Variants in PPFIA2 observed in about 807,000 individuals in gnomAD.
PPFIA2 encodes liprin-alpha-2.
Under a neutral mutation model 175.5 loss-of-function variants are expected in PPFIA2, and 46 were observed. That is an observed-to-expected ratio of 0.26 (90% confidence interval 0.21 to 0.34). The LOEUF (loss-of-function observed/expected upper bound fraction) is 0.34. Ranked by LOEUF, PPFIA2 falls within the 10% of genes least tolerant of loss-of-function variation. The probability of loss-of-function intolerance (pLI) is 1.00; values close to 1 mark genes in which losing one functional copy is unlikely to be tolerated. For missense variants in PPFIA2, 1,179 were observed against 1,506.1 expected, an observed-to-expected ratio of 0.78 and a Z score of 3.60; for synonymous variants, 568 against 511.4, an observed-to-expected ratio of 1.11 and a Z score of -1.49.
At chr12:81,743,327 G>C (rs2082565029) in intron 3 of PPFIA2, among the ~76,000 whole-genome samples, 1 of 133,970 alleles carries the variant, frequency 7.5e-6, no homozygotes, top group African/African-American at 2.8e-5. Context: ...TGAGGCAGGA[G>C]AATCATTTGA....
chr12:81,477,305 T>C (rs968187548), intron 4 of PPFIA2, among the ~76,000 whole-genome samples: 4 of 152,108 alleles, frequency 2.6e-5, no homozygotes, highest in Admixed American at 1.3e-4. Context: ...GAGAGCTACT[T>C]TCAATTATTT....
chr12:81,375,513 T>C (rs1190029301), intron 10 of PPFIA2, among the ~76,000 whole-genome samples: 1 of 152,138 alleles, frequency 6.6e-6, no homozygotes, highest in East Asian at 1.9e-4. Context: ...GTGGTTAGAA[T>C]TAAGTGAGGT....
chr12:81,659,079 G>C (rs2068304364), intron 4 of PPFIA2, among the ~76,000 whole-genome samples: 1 of 151,932 alleles, frequency 6.6e-6, no homozygotes, highest in South Asian at 2.1e-4. Context: ...CAGTACAACG[G>C]AGGGCGGTTC....
chr12:81,461,223 C>A (rs543450498), intron 4 of PPFIA2, among the ~76,000 whole-genome samples: 1 of 152,200 alleles, frequency 6.6e-6, no homozygotes, highest in African/African-American at 2.4e-5. Context: ...AACCATTTTA[C>A]ATGAATAACT....
intron 4 of PPFIA2, among the ~76,000 whole-genome samples, chr12:81,557,832 T>C (rs1188435033): frequency 1.3e-5 from 2 of 152,098 alleles, no homozygotes; most frequent in Non-Finnish European, 2.9e-5. Context: ...AAAGTATTAA[T>C]AGTCTTGAGA....
intron 3 of PPFIA2, among the ~76,000 whole-genome samples, chr12:81,712,564 T>A (rs891827667): frequency 2.6e-5 from 4 of 151,106 alleles, no homozygotes; most frequent in Non-Finnish European, 5.9e-5. Context: ...AGGCTATGTG[T>A]ATAGGTTGCA....
intron 4 of PPFIA2, among the ~76,000 whole-genome samples, chr12:81,572,784 G>A (rs1239692741): frequency 6.6e-6 from 1 of 151,868 alleles, no homozygotes; most frequent in Non-Finnish European, 1.5e-5. Flanking sequence ...TGAAGAACTG[G>A]CTGATTTCAG....
chr12:81,417,480 A>G (rs1161892317), intron 7 of PPFIA2: 1 of 151,670 alleles, frequency 6.6e-6, no homozygotes, highest in Non-Finnish European at 1.5e-5. Context: ...AAGTGTTTGA[A>G]AAGTGCTTGA....
In PPFIA2 at chr12:81,258,470, G is replaced by C. The variant is rs2034426337; in HGVS notation, c.*1224C>G. ...CAGAAAATCAGCAGTTAGATAAATG[G>C]TATTATTAAATAGGCTTTACTTTGA... On this transcript the variant is annotated 3_prime_UTR_variant, in exon 33 of 33. Transcript: ENST00000549396. 2 of 151,784 alleles carry C rather than the reference G, an allele frequency of 1.3e-5. No individual in the cohort carries two copies. Among genetic ancestry groups the C allele is most frequent in the Non-Finnish European group, 1.5e-5 (1 of 67,954 alleles). 9.4% of individuals were successfully genotyped at this position (151,784 alleles called of 1,614,324 possible). A position where few individuals can be genotyped will look rare whatever the true frequency, so the allele number is the denominator to read the frequency against.
At chr12:81,488,752 T>C (rs1189664334) in intron 4 of PPFIA2, among the ~76,000 whole-genome samples, 1 of 151,774 alleles carries the variant, frequency 6.6e-6, no homozygotes, top group Admixed American at 6.6e-5. Flanking sequence ...GGTTTCCCAT[T>C]GATGAGAATA....
rs1213987290 is a variant in PPFIA2 at position 81,497,530 on chromosome 12, C to A, written c.304-39664G>T. On this transcript the variant is annotated intron_variant, in intron 4 of 32. Coordinates refer to ENST00000549396, the MANE Select transcript of PPFIA2 (RefSeq NM_003625.5). ...AGTGACATCCCTATTTCATTGATGT[C>A]TTTTTTTTTTTTTTTTTTTTTTTTT... is the stretch of plus-strand genomic sequence containing the variant. Among the ~76,000 whole-genome samples, 5 of 66,202 alleles carry A rather than the reference C, an allele frequency of 7.6e-5. No homozygotes were observed. The East Asian group carries it at 2.1e-3, about 28-fold the overall frequency. 43.4% of individuals were successfully genotyped at this position (66,202 alleles called of 152,430 possible).
chr12:81,352,387 G>T lies in PPFIA2; in HGVS notation c.1994+732C>A, dbSNP rs2060171244. Among the ~76,000 whole-genome samples, 3 of 151,620 alleles carry T rather than the reference G, an allele frequency of 2.0e-5. No homozygotes were observed. In the South Asian group the frequency reaches 6.3e-4, roughly 32 times the overall value. On this transcript the variant is annotated intron_variant, in intron 17 of 32. Transcript: ENST00000549396. ...GCAGTGGGGGGCAGACAGAGAGAGA[G>T]AGAGAGAGAGAGGCTTAATTCTATA...
intron 6 of PPFIA2, among the ~76,000 whole-genome samples, chr12:81,442,999 A>G (rs1410379622): frequency 6.7e-6 from 1 of 149,066 alleles, no homozygotes; most frequent in Non-Finnish European, 1.5e-5. Flanking sequence ...ACTTAGACAC[A>G]TATGAGTCCC....
At chr12:81,641,212 A>T (rs915115496) in intron 4 of PPFIA2, among the ~76,000 whole-genome samples, 3 of 152,158 alleles carry the variant, frequency 2.0e-5, no homozygotes, top group African/African-American at 7.2e-5. Flanking sequence ...CAAGTATTTA[A>T]CCACATAAAT....
intron 4 of PPFIA2, among the ~76,000 whole-genome samples, chr12:81,470,348 G>C (rs759948514): frequency 1.3e-5 from 2 of 152,106 alleles, no homozygotes; most frequent in Non-Finnish European, 2.9e-5. Context: ...ATCATTAATC[G>C]TCAGAGAAAT....
chr12:81,736,554 G>A (rs1229318300), intron 3 of PPFIA2, among the ~76,000 whole-genome samples: 1 of 151,884 alleles, frequency 6.6e-6, no homozygotes, highest in Non-Finnish European at 1.5e-5. Flanking sequence ...CTGTGAAGGG[G>A]ATGCATTTGA....
intron 27 of PPFIA2, among the ~76,000 whole-genome samples, chr12:81,277,926 C>T (rs1301490823): frequency 1.3e-5 from 2 of 152,074 alleles, no homozygotes; most frequent in Non-Finnish European, 2.9e-5. Flanking sequence ...AAGAACCAGT[C>T]AGCAGATATT....
chr12:81,666,391 GA>G (rs943445831), intron 4 of PPFIA2, among the ~76,000 whole-genome samples: 38 of 152,262 alleles, frequency 2.5e-4, no homozygotes, highest in African/African-American at 8.9e-4. Context: ...ACTGGATTAA[GA>G]AAATGTGGCA....
At chr12:81,620,342 T>G (rs899332407) in intron 4 of PPFIA2, among the ~76,000 whole-genome samples, 1 of 152,132 alleles carries the variant, frequency 6.6e-6, no homozygotes, top group Non-Finnish European at 1.5e-5. Context: ...AAAAGTTTAT[T>G]CCAGGAAAAC....
Sources: allele counts gnomAD v4.1 joint callset (sites outside exome capture counted in the v4.1 genomes callset), GRCh38; gene constraint gnomAD v4.1.1; transcripts MANE v1.5; gene names NCBI Gene and HGNC (gene_info 2026-07-23, HGNC 2026-07-21).